The following SRPK2 variants were observed in gnomAD, a reference collection of about 807,000 sequenced individuals.
SRPK2 encodes the protein SFRS protein kinase 2.
Under a neutral mutation model 90.8 loss-of-function variants are expected in SRPK2, and 21 were observed. The observed-to-expected ratio is 0.23, with a 90% CI of 0.16 to 0.33. SRPK2 has a LOEUF of 0.33. Ranked by LOEUF, SRPK2 falls within the 10% of genes least tolerant of loss-of-function variation. SRPK2 has a pLI of 1.00. For missense variants in SRPK2, 620 were observed against 869.0 expected, an observed-to-expected ratio of 0.71 and a Z score of 3.60; for synonymous variants, 288 against 311.1, an observed-to-expected ratio of 0.93 and a Z score of 0.78.
intron 2 of SRPK2, among the ~76,000 whole-genome samples, chr7:105,387,503 GTTT>G (rs1343718499): frequency 2.2e-5 from 3 of 137,966 alleles, no homozygotes; most frequent in East Asian, 5.5e-4. Context: ...TACTCTAATG[GTTT>G]TTTCTTTTTT....
At chr7:105,302,234 T>C in intron 2 of SRPK2, 1 of 698,808 alleles carries the variant, frequency 1.4e-6, no homozygotes, top group Non-Finnish European at 2.6e-6. Flanking sequence ...AAGTTGAAAG[T>C]TCATGAAGAG....
chr7:105,387,443 A>G (rs1403233956), intron 2 of SRPK2, among the ~76,000 whole-genome samples: 1 of 151,840 alleles, frequency 6.6e-6, no homozygotes, highest in African/African-American at 2.4e-5. Context: ...TCAATATCCA[A>G]TTTTTACCGA....
At chr7:105,284,505 C>G (rs1238724560) in intron 2 of SRPK2, among the ~76,000 whole-genome samples, 1 of 152,046 alleles carries the variant, frequency 6.6e-6, no homozygotes, top group African/African-American at 2.4e-5. Flanking sequence ...ACTATACAGT[C>G]AAATTTAAAG....
intron 2 of SRPK2, among the ~76,000 whole-genome samples, chr7:105,287,993 A>T (rs989220690): frequency 6.6e-6 from 1 of 152,234 alleles, no homozygotes; most frequent in African/African-American, 2.4e-5. Context: ...ACCATTATAA[A>T]TAGCCTCCAA....
intron 2 of SRPK2, among the ~76,000 whole-genome samples, chr7:105,343,340 G>C (rs751672637): frequency 2.6e-5 from 4 of 152,230 alleles, no homozygotes; most frequent in East Asian, 1.9e-4. Context: ...AAGCTGAGGT[G>C]GGGGGATCAC....
In SRPK2 at chr7:105,170,905, A is replaced by AAGG. The variant is rs1231788414; in HGVS notation, c.230-1641_230-1640insCCT. On this transcript the variant is annotated intron_variant, in intron 3 of 15. Coordinates refer to ENST00000393651, the MANE Select transcript of SRPK2 (RefSeq NM_182692.3). ...AAAGAAAGAAAGAAAGAAAGAAAGAAAGAAAGAAAGGAGAAAGAAAAAGAA... is the reference window on the plus strand; with the variant it reads ...AAAGAAAGAAAGAAAGAAAGAAAGAAAGGAGAAAGAAAGGAGAAAGAAAAAGAA... 1.0e-3 allele frequency among the ~76,000 whole-genome samples: 127 copies of AAGG among 125,660 alleles called. 4 individuals are homozygous for AAGG. Among genetic ancestry groups the AAGG allele is most frequent in the Middle Eastern group, 3.8e-3 (1 of 262 alleles). The allele number at this position is 125,660 out of a possible 152,430, so 82.4% of individuals were successfully genotyped here.
chr7:105,368,339 CTGT>C (rs1472729314), intron 2 of SRPK2, among the ~76,000 whole-genome samples: 1 of 152,148 alleles, frequency 6.6e-6, no homozygotes, highest in Non-Finnish European at 1.5e-5. Context: ...TCCATGTGAC[CTGT>C]TAAGGGTCTC....
intron 3 of SRPK2, among the ~76,000 whole-genome samples, chr7:105,174,233 A>G (rs943618913): frequency 6.6e-6 from 1 of 152,164 alleles, no homozygotes; most frequent in Non-Finnish European, 1.5e-5. Flanking sequence ...ACCTATGCTA[A>G]TAAGAAGACT....
intron 3 of SRPK2, among the ~76,000 whole-genome samples, chr7:105,186,995 C>A (rs1793660711): frequency 6.6e-6 from 1 of 152,210 alleles, no homozygotes; most frequent in South Asian, 2.1e-4. Context: ...ACATCAAGCC[C>A]TTGAGATGTC....
At chr7:105,128,417 A>G (rs1801515016) in intron 13 of SRPK2, among the ~76,000 whole-genome samples, 1 of 152,142 alleles carries the variant, frequency 6.6e-6, no homozygotes, top group Admixed American at 6.5e-5. Flanking sequence ...TCTCCTTTCC[A>G]CCCAATAAAC....
At chr7:105,201,887 A>G (rs1392434586) in intron 3 of SRPK2, among the ~76,000 whole-genome samples, 1 of 152,206 alleles carries the variant, frequency 6.6e-6, no homozygotes, top group East Asian at 1.9e-4. Context: ...GTCTCAGAAA[A>G]AGAAAAAACA....
intron 2 of SRPK2, among the ~76,000 whole-genome samples, chr7:105,341,796 T>C (rs1727996615): frequency 1.3e-5 from 2 of 151,914 alleles, no homozygotes; most frequent in Non-Finnish European, 2.9e-5. Flanking sequence ...GTAAAACCCA[T>C]CTCTACTAAA....
intron 2 of SRPK2, among the ~76,000 whole-genome samples, chr7:105,235,276 T>G (rs993953833): frequency 6.6e-6 from 1 of 152,260 alleles, no homozygotes; most frequent in Non-Finnish European, 1.5e-5. Flanking sequence ...CAAGTACATA[T>G]GTATTTAAAT....
At chr7:105,158,021 G>A (rs1806787267) in intron 7 of SRPK2, among the ~76,000 whole-genome samples, 1 of 152,166 alleles carries the variant, frequency 6.6e-6, no homozygotes, top group South Asian at 2.1e-4. Flanking sequence ...AGCTGTGACT[G>A]ACCAGTGCAC....
chr7:105,233,930 T>C lies in SRPK2; in HGVS notation c.72-30145A>G, dbSNP rs138653407. On this transcript the variant is annotated intron_variant, in intron 2 of 15. Transcript: ENST00000393651. ...TTGGAAACTATTACAAGAGAAACAATATTTGGGTCAATTCTTTGTTCATTC... is the reference window on the plus strand; with the variant it reads ...TTGGAAACTATTACAAGAGAAACAACATTTGGGTCAATTCTTTGTTCATTC... Among the ~76,000 whole-genome samples the C allele has an allele frequency of 2.3e-3, 354 of 152,194 alleles. 1 individual carries two copies. The highest frequency in any genetic ancestry group is 8.2e-3 in the African/African-American group (341 of 41,544).
At position 105,159,448 on chromosome 7, in the gene SRPK2, C is replaced by CAAAAAAAAAAAAAAAAAAAAA. The variant is rs765544583; in HGVS notation, c.621+1038_621+1058dup. Among the ~76,000 whole-genome samples the CAAAAAAAAAAAAAAAAAAAAA allele has an allele frequency of 9.4e-4, 31 of 33,134 alleles. 4 individuals are homozygous for CAAAAAAAAAAAAAAAAAAAAA. The highest frequency in any genetic ancestry group is 1.4e-3 in the Non-Finnish European group (23 of 15,908). The allele number at this position is 33,134 out of a possible 152,430, so 21.7% of individuals were successfully genotyped here. ...GGGTGACAGAGCGAGACTCCGTCTC[C>CAAAAAAAAAAAAAAAAAAAAA]AAAAAAAAAAAAAAAAAAAAAAAAA... On this transcript the variant is annotated intron_variant, in intron 7 of 15. Coordinates refer to ENST00000393651, the MANE Select transcript of SRPK2 (RefSeq NM_182692.3).
At chr7:105,301,658 T>C (rs1461022388) in intron 2 of SRPK2, 2 of 1,611,614 alleles carry the variant, frequency 1.2e-6, no homozygotes, top group East Asian at 2.2e-5. Context: ...GCCTTCTTAA[T>C]AGAGATTTCC....
intron 2 of SRPK2, chr7:105,245,037 AC>A (rs1264013907): frequency 5.1e-5 from 10 of 198,004 alleles, no homozygotes; most frequent in East Asian, 4.6e-4. Flanking sequence ...CAAAACAAAC[AC>A]ACACACACAC....
chr7:105,331,067 C>A (rs764376937), intron 2 of SRPK2, among the ~76,000 whole-genome samples: 5 of 151,730 alleles, frequency 3.3e-5, no homozygotes, highest in Admixed American at 6.6e-5. Context: ...TTTGGGAGGC[C>A]GAGGTAGGTG....
Sources: gnomAD v4.1 joint callset for allele counts (sites outside exome capture counted in the v4.1 genomes callset) on GRCh38, gnomAD v4.1.1 for gene constraint, MANE v1.5 for transcripts, NCBI Gene and HGNC (gene_info 2026-07-23, HGNC 2026-07-21) for gene names.